Variants in DGKG observed in about 807,000 individuals in gnomAD.
The protein encoded by DGKG is DAG kinase gamma.
In DGKG, 78 loss-of-function variants were observed where a neutral mutation model predicts 105.3. The observed-to-expected ratio is 0.74, with a 90% confidence interval of 0.62 to 0.89. DGKG has a LOEUF of 0.89. Among genes scored for constraint, DGKG ranks in the 40% least tolerant of loss-of-function variants. The pLI is 0.00. For synonymous variants in DGKG, 346 were observed against 367.1 expected (o/e 0.94, Z 0.66); for missense variants, 958 against 1,020.1 (o/e 0.94, Z 0.83).
intron 2 of DGKG, among the ~76,000 whole-genome samples, chr3:186,318,021 CCA>C (rs1372252792): frequency 6.6e-6 from 1 of 152,176 alleles, no homozygotes; most frequent in East Asian, 1.9e-4. Context: ...GATGATATTT[CCA>C]CCACAGTTTC....
intron 21 of DGKG, among the ~76,000 whole-genome samples, chr3:186,206,811 C>G (rs1277883678): frequency 6.6e-6 from 1 of 151,908 alleles, no homozygotes; most frequent in Non-Finnish European, 1.5e-5. Flanking sequence ...ATGCAATGGC[C>G]TGGTCTCCAC....
Position 186,210,634 on chromosome 3 carries a change from C to A in DGKG, c.1917+1161G>T, listed in dbSNP as rs1244883814. ...GAAAACTCCCTGTGAGTGAGGAGCACAGGGGCCCTTCCGGCAGGGAGGGGC... is the reference window on the plus strand; with the variant it reads ...GAAAACTCCCTGTGAGTGAGGAGCAAAGGGGCCCTTCCGGCAGGGAGGGGC... On this transcript the variant is annotated intron_variant, in intron 21 of 24. Coordinates refer to ENST00000265022, the MANE Select transcript of DGKG (RefSeq NM_001346.3). The surrounding 1 kb of genome is among the most constrained non-coding windows in gnomAD (Gnocchi z 5.2). The A allele has an allele frequency of 8.8e-6, 4 of 454,232 alleles. No homozygotes were observed. The highest frequency in any genetic ancestry group is 6.2e-5 in the South Asian group (4 of 64,480). The allele number at this position is 454,232 out of a possible 1,614,324, so 28.1% of individuals were successfully genotyped here.
At chr3:186,197,040 A>G (rs1184925700) in intron 21 of DGKG, among the ~76,000 whole-genome samples, 1 of 152,208 alleles carries the variant, frequency 6.6e-6, no homozygotes, top group Non-Finnish European at 1.5e-5. Context: ...TGGGATGCCT[A>G]GGATGGGAAG....
intron 20 of DGKG, among the ~76,000 whole-genome samples, chr3:186,239,307 G>A (rs939275423): frequency 1.3e-5 from 2 of 152,202 alleles, no homozygotes; most frequent in South Asian, 4.1e-4. Flanking sequence ...AAAGGCTTCC[G>A]GCCAAGCAGT....
At chr3:186,176,045 A>C (rs571736741) in intron 22 of DGKG, among the ~76,000 whole-genome samples, 25 of 152,328 alleles carry the variant, frequency 1.6e-4, no homozygotes, top group Middle Eastern at 3.4e-3. Flanking sequence ...GGCAGAGACA[A>C]AGTACCTTGC....
At chr3:186,157,433 T>C (rs2108472749) in intron 24 of DGKG, among the ~76,000 whole-genome samples, 1 of 152,324 alleles carries the variant, frequency 6.6e-6, no homozygotes, top group East Asian at 1.9e-4. Flanking sequence ...TCTTCTATTT[T>C]TAAATGTAAT....
intron 1 of DGKG, among the ~76,000 whole-genome samples, chr3:186,347,055 T>C (rs1462374800): frequency 6.6e-6 from 1 of 152,168 alleles, no homozygotes; most frequent in African/African-American, 2.4e-5. Flanking sequence ...TCCTGATATA[T>C]CTATGTCCCT....
chr3:186,159,503 T>C (rs1292150188), intron 24 of DGKG: 2 of 152,226 alleles, frequency 1.3e-5, no homozygotes, highest in East Asian at 3.8e-4. Flanking sequence ...GAATGATTTT[T>C]TGCCATTTGC....
At chr3:186,265,512 T>TG (rs1397907840) in intron 13 of DGKG, among the ~76,000 whole-genome samples, 2 of 152,324 alleles carry the variant, frequency 1.3e-5, no homozygotes, top group East Asian at 3.9e-4. Flanking sequence ...AGGCCTCCAG[T>TG]GATGACATCA....
chr3:186,310,273 A>AAAAAAAAC (rs1371883649), intron 2 of DGKG, among the ~76,000 whole-genome samples: 1 of 145,846 alleles, frequency 6.9e-6, no homozygotes, highest in African/African-American at 2.6e-5. Context: ...CTCAAAAAAA[A>AAAAAAAAC]AAAAAAAAAA....
chr3:186,335,499 G>T (rs1725790875), intron 1 of DGKG, among the ~76,000 whole-genome samples: 1 of 152,094 alleles, frequency 6.6e-6, no homozygotes, highest in Admixed American at 6.5e-5. Flanking sequence ...CACCATTTTA[G>T]GCTGGGGAAT....
intron 21 of DGKG, among the ~76,000 whole-genome samples, chr3:186,189,299 G>T (rs1489208786): frequency 6.6e-6 from 1 of 152,128 alleles, no homozygotes; most frequent in Non-Finnish European, 1.5e-5. Context: ...TCCCCACCAG[G>T]TACAAAAAGC....
chr3:186,323,635 T>C (rs1309334934), intron 1 of DGKG, among the ~76,000 whole-genome samples: 1 of 151,238 alleles, frequency 6.6e-6, no homozygotes, highest in Non-Finnish European at 1.5e-5. Flanking sequence ...CTACTAAAAA[T>C]ACAAAAATTA....
At chr3:186,161,891 G>C (rs1716309003) in intron 23 of DGKG, among the ~76,000 whole-genome samples, 1 of 152,028 alleles carries the variant, frequency 6.6e-6, no homozygotes, top group Non-Finnish European at 1.5e-5. Context: ...CTGTGTCTGT[G>C]TGTGTGTGTG....
rs1723646649 is a variant in DGKG at position 186,297,586 on chromosome 3, T to C, written c.311-103A>G. The C allele has an allele frequency of 4.9e-6, 4 of 823,068 alleles. No homozygotes were observed. In the East Asian group the frequency reaches 9.7e-5, roughly 20 times the overall value. The allele number at this position is 823,068 out of a possible 1,614,324, so 51.0% of individuals were successfully genotyped here. ...TGGGACCTGGTTTGCCTTGATTGTG[T>C]CTGTGTCTCGGGGTTATGTGTCAGC... is the stretch of plus-strand genomic sequence containing the variant. On this transcript the variant is annotated intron_variant, in intron 4 of 24. Coordinates refer to ENST00000265022, the MANE Select transcript of DGKG (RefSeq NM_001346.3).
chr3:186,183,046 G>C (rs1465070761), intron 22 of DGKG, among the ~76,000 whole-genome samples: 1 of 152,206 alleles, frequency 6.6e-6, no homozygotes, highest in South Asian at 2.1e-4. Flanking sequence ...GCAGCCATTA[G>C]GTAGGCCTTG....
intron 1 of DGKG, among the ~76,000 whole-genome samples, chr3:186,336,191 A>C (rs577770868): frequency 1.3e-5 from 2 of 152,158 alleles, no homozygotes; most frequent in Non-Finnish European, 1.5e-5. Context: ...TCTCAGTCCA[A>C]CTTCTCCCTT....
At chr3:186,216,912 C>T (rs1232762182) in intron 20 of DGKG, among the ~76,000 whole-genome samples, 5 of 152,224 alleles carry the variant, frequency 3.3e-5, no homozygotes, top group African/African-American at 1.2e-4. Context: ...TCATGACTGG[C>T]TTTGCCACTC....
chr3:186,353,588 TATACAC>T (rs749925956), intron 1 of DGKG, among the ~76,000 whole-genome samples: 106 of 133,562 alleles, frequency 7.9e-4, no homozygotes, highest in African/African-American at 3.3e-3. Flanking sequence ...TATATATATA[TATACAC>T]ACACACACAT....
Sources: gnomAD v4.1 joint callset for allele counts (sites outside exome capture counted in the v4.1 genomes callset) on GRCh38, gnomAD v4.1.1 for gene constraint, Gnocchi (gnomAD v3.1) non-coding constraint, MANE v1.5 for transcripts, NCBI Gene and HGNC (gene_info 2026-07-23, HGNC 2026-07-21) for gene names.